HMCN1: variants seen among roughly 807,000 people sequenced by gnomAD.
The protein encoded by HMCN1 is hemicentin-1.
HMCN1 carries 321 observed loss-of-function variants against 625.9 expected under a neutral mutation model. The ratio of observed to expected loss-of-function variants is 0.51; its 90% CI spans 0.47 to 0.56. The LOEUF (loss-of-function observed/expected upper bound fraction) is 0.56. HMCN1 is among the 20% of genes least tolerant of loss of function. The pLI is 0.00. For missense variants in HMCN1, 6,588 were observed against 6,887.3 expected, an observed-to-expected ratio of 0.96 and a Z score of 1.54; for synonymous variants, 2,425 against 2,417.6, an observed-to-expected ratio of 1.00 and a Z score of -0.09.
chr1:186,029,835 G>A (rs186596659), intron 36 of HMCN1, among the ~76,000 whole-genome samples: 36 of 151,718 alleles, frequency 2.4e-4, no homozygotes, highest in Non-Finnish European at 4.6e-4. Context: ...ATTGATTTGA[G>A]ATCTTATTTT....
At chr1:186,106,819 A>G in intron 69 of HMCN1, 65 bp from the exon 70 acceptor site, 1 of 1,125,698 alleles carries the variant, frequency 8.9e-7, no homozygotes, top group Non-Finnish European at 1.4e-6. Context: ...ATTCTAGTGG[A>G]TATTTATTTT....
chr1:186,015,522 C>T (rs1315927179), intron 31 of HMCN1, 85 bp downstream of exon 31: 7 of 1,310,958 alleles, frequency 5.3e-6, no homozygotes, highest in Non-Finnish European at 6.6e-6. Flanking sequence ...ACTAATAGTC[C>T]TTGGTGGGTT....
intron 11 of HMCN1, among the ~76,000 whole-genome samples, chr1:185,961,880 G>A (rs1212154751): frequency 6.6e-6 from 1 of 152,122 alleles, no homozygotes; most frequent in African/African-American, 2.4e-5. Flanking sequence ...GCAGGATCTT[G>A]GGAGGGGCAG....
rs1274783782 is a variant in HMCN1 at position 186,023,496 on chromosome 1, G to A, written c.5749+343G>A. Reference sequence around the variant, plus strand: ...AGCATTGTTTCTTAATCTTGTCTGCGTTTTTCTTGCCTGCCTATAAGAAGG... The same window carrying A: ...AGCATTGTTTCTTAATCTTGTCTGCATTTTTCTTGCCTGCCTATAAGAAGG... On this transcript the variant is annotated intron_variant, in intron 36 of 106. Coordinates refer to ENST00000271588, the MANE Select transcript of HMCN1 (RefSeq NM_031935.3). Among the ~76,000 whole-genome samples the A allele has an allele frequency of 2.0e-5, 3 of 151,978 alleles. No homozygotes were observed. In the South Asian group the frequency reaches 6.2e-4, roughly 32 times the overall value.
rs765224895 is a variant in HMCN1, at chr1:186,015,420, T to G, written c.4892T>G (p.Phe1631Cys). ...ANVAGTAEKS[F>C]HVDVYVPPMI... The stretch of plus-strand genomic sequence containing the variant: ...GTTGCTGGAACTGCTGAAAAATCAT[T>G]CCATGTGGATGTCTATGGTGAGGAA... Residue 1631 changes from phenylalanine (F) to cysteine (C), a missense_variant, in exon 31 of 107, where the codon TTC (phenylalanine) becomes TGC (cysteine). Physicochemically the swap from Phe to Cys is radical, Grantham distance 205 (BLOSUM62 -2). Around this residue, in one of 3 missense-constraint regions of HMCN1, gnomAD observed 4,628 missense variants for 4,853.1 expected, o/e 0.95. Coordinates refer to ENST00000271588, the MANE Select transcript of HMCN1 (RefSeq NM_031935.3). 2.9e-5 allele frequency: 47 copies of G among 1,613,406 alleles called. No homozygotes were observed. The highest frequency in any genetic ancestry group is 1.6e-4 in the Middle Eastern group (1 of 6,082).
chr1:185,973,411 C>A (rs944256589), intron 15 of HMCN1, among the ~76,000 whole-genome samples: 1 of 151,940 alleles, frequency 6.6e-6, no homozygotes, highest in Non-Finnish European at 1.5e-5. Flanking sequence ...GGGCTTGAGA[C>A]AAGTTAAGTA....
intron 91 of HMCN1, 75 bp downstream of exon 91, chr1:186,144,778 A>G: frequency 6.5e-7 from 1 of 1,548,662 alleles, no homozygotes; most frequent in Non-Finnish European, 8.9e-7. Context: ...TTAAAGTTGC[A>G]ATATTCCGTT....
In HMCN1 at chr1:185,756,632, TTTCTACCAATA is replaced by T. The variant is rs1655151034; in HGVS notation, c.268+21599_268+21609del. Among the ~76,000 whole-genome samples the T allele has an allele frequency of 2.6e-5, 4 of 152,222 alleles. No homozygotes were observed. In the South Asian group the frequency reaches 8.3e-4, roughly 32 times the overall value. ...TCCCTTTTCTCTCCTTAGGAAATAT[TTTCTACCAATA>T]TTCTACCAATATTTGTCTATTCATA... On this transcript the variant is annotated intron_variant, in intron 1 of 106. Transcript: ENST00000271588.
intron 54 of HMCN1, among the ~76,000 whole-genome samples, 168 bp from the exon 55 acceptor site, chr1:186,077,939 A>G (rs964763215): frequency 1.3e-5 from 2 of 152,184 alleles, no homozygotes; most frequent in Non-Finnish European, 2.9e-5. Flanking sequence ...TTAATAATGC[A>G]GTGTTTGTTG....
intron 45 of HMCN1, among the ~76,000 whole-genome samples, chr1:186,055,882 A>G (rs1657287892): frequency 6.6e-6 from 1 of 151,948 alleles, no homozygotes; most frequent in South Asian, 2.1e-4. Context: ...CGCATATTAG[A>G]TATTCTTTAA....
intron 1 of HMCN1, among the ~76,000 whole-genome samples, chr1:185,743,365 C>A (rs1654117363): frequency 6.6e-6 from 1 of 152,144 alleles, no homozygotes; most frequent in Non-Finnish European, 1.5e-5. Flanking sequence ...ATATATCTCC[C>A]ATCCAAGCTT....
At chr1:185,773,126 A>G (rs1256846817) in intron 1 of HMCN1, among the ~76,000 whole-genome samples, 1 of 152,124 alleles carries the variant, frequency 6.6e-6, no homozygotes, top group Non-Finnish European at 1.5e-5. Flanking sequence ...TATGCCAGTG[A>G]TTCTCCATTG....
rs750153737 is a variant in HMCN1 at position 186,016,084 on chromosome 1, G to A, written c.5036G>A (p.Gly1679Asp). 48 of 1,613,396 alleles carry A rather than the reference G, an allele frequency of 3.0e-5. No individual in the cohort carries two copies. In the Admixed American group the frequency reaches 7.7e-4, roughly 26 times the overall value. Residue 1679 changes from glycine (G) to aspartate (D), a missense_variant, in exon 32 of 107, where the codon GGT (glycine) becomes GAT (aspartate). By Grantham distance (94) the Gly-to-Asp change is moderately conservative. Around this residue, in one of 3 missense-constraint regions of HMCN1, gnomAD observed 4,628 missense variants for 4,853.1 expected, o/e 0.95. Coordinates refer to ENST00000271588, the MANE Select transcript of HMCN1 (RefSeq NM_031935.3). Reference sequence around the variant, plus strand: ...CCCATTCTCACCTGGTTGAAAGATGGTGTACCTGTGAAAGCTAATGACAAT... The same window carrying A: ...CCCATTCTCACCTGGTTGAAAGATGATGTACCTGTGAAAGCTAATGACAAT... Reference protein sequence around the residue: ...PSPILTWLKDGVPVKANDNIR... With the variant: ...PSPILTWLKDDVPVKANDNIR...
chr1:186,088,518 G>T, intron 62 of HMCN1, 88 bp from the exon 63 acceptor site: 3 of 1,482,204 alleles, frequency 2.0e-6, no homozygotes, highest in African/African-American at 2.8e-5. Context: ...CATTTATCAC[G>T]TAAAGTAAGA....
chr1:185,740,385 A>G (rs1653902187), intron 1 of HMCN1, among the ~76,000 whole-genome samples: 1 of 152,208 alleles, frequency 6.6e-6, no homozygotes, highest in South Asian at 2.1e-4. Context: ...GATTTTCTGT[A>G]TATTTTGAAG....
chr1:185,748,017 A>G (rs1654535457), intron 1 of HMCN1, among the ~76,000 whole-genome samples: 1 of 149,818 alleles, frequency 6.7e-6, no homozygotes, highest in Admixed American at 6.7e-5. Context: ...AGATAAATAC[A>G]AGAAAGGGTA....
Position 186,183,725 on chromosome 1 carries a change from G to T in HMCN1, c.16414+1438G>T, listed in dbSNP as rs76248042. Among the ~76,000 whole-genome samples, 586 of 152,252 alleles carry T rather than the reference G, an allele frequency of 3.8e-3. 1 individual carries two copies. The highest frequency in any genetic ancestry group is 0.014 in the African/African-American group (562 of 41,536). On this transcript the variant is annotated intron_variant, in intron 105 of 106. Transcript: ENST00000271588. ...CCTTAATGTCCTAGAATAATCAAGA[G>T]CAGAGGTAGGACTTGACCTCAGATC...
chr1:186,145,544 T>A lies in HMCN1; in HGVS notation c.14408T>A (p.Ile4803Asn), dbSNP rs777314424. 1.2e-6 allele frequency: 2 copies of A among 1,614,090 alleles called. No individual in the cohort carries two copies. Among genetic ancestry groups the A allele is most frequent in the South Asian group, 2.2e-5 (2 of 91,084 alleles). Residue 4803 changes from isoleucine to asparagine, a missense_variant, in exon 92 of 107, where the codon ATC becomes AAC. Around this residue, in one of 3 missense-constraint regions of HMCN1, gnomAD observed 1,954 missense variants for 2,013.1 expected, o/e 0.97. Transcript: ENST00000271588. Reference protein sequence around the residue: ...GRACGGPDSQIQRCNTDMCPV... With the variant: ...GRACGGPDSQNQRCNTDMCPV... The stretch of plus-strand genomic sequence containing the variant: ...GCTTGTGGGGGACCAGACTCCCAGA[T>A]CCAGAGGTGCAACACTGACATGTGT...
At chr1:186,027,643 C>G (rs1655145030) in intron 36 of HMCN1, among the ~76,000 whole-genome samples, 1 of 152,142 alleles carries the variant, frequency 6.6e-6, no homozygotes, top group Non-Finnish European at 1.5e-5. Context: ...AGCCTGGTGC[C>G]TGGCTCCTAG....
Sources: allele counts gnomAD v4.1 joint callset (sites outside exome capture counted in the v4.1 genomes callset), GRCh38; gene constraint gnomAD v4.1.1; regional missense constraint gnomAD v4.1.1; transcripts MANE v1.5; gene names NCBI Gene and HGNC (gene_info 2026-07-23, HGNC 2026-07-21).